PCDH15: variants seen among roughly 807,000 people sequenced by gnomAD.
The protein encoded by PCDH15 is protocadherin related 15, also known as protocadherin-15.
In PCDH15, 129 loss-of-function variants were observed where a neutral mutation model predicts 178.5. That is an observed-to-expected ratio of 0.72 (90% CI 0.63 to 0.84). PCDH15 has a LOEUF of 0.84. PCDH15 is among the 40% of genes least tolerant of loss of function. The pLI, the probability that PCDH15 is intolerant of heterozygous loss-of-function variation, is 0.00. For synonymous variants in PCDH15, 800 were observed against 732.0 expected, an observed-to-expected ratio of 1.09 and a Z score of -1.50; for missense variants, 2,230 against 2,099.9, an observed-to-expected ratio of 1.06 and a Z score of -1.21.
intron 1 of PCDH15, among the ~76,000 whole-genome samples, chr10:54,674,134 T>A (rs2094735300): frequency 6.6e-6 from 1 of 152,208 alleles, no homozygotes; most frequent in Non-Finnish European, 1.5e-5. Context: ...TACATATAAC[T>A]TTTTACTTTC....
At chr10:54,083,699 G>T (rs570800950) in intron 16 of PCDH15, among the ~76,000 whole-genome samples, 2 of 152,262 alleles carry the variant, frequency 1.3e-5, no homozygotes, top group Admixed American at 1.3e-4. Flanking sequence ...TTTAGAACTA[G>T]ACAGAGTTGG....
chr10:54,475,039 T>A (rs1447318742), intron 3 of PCDH15, among the ~76,000 whole-genome samples: 5 of 151,938 alleles, frequency 3.3e-5, no homozygotes, highest in Admixed American at 1.3e-4. Context: ...CTTATTCTCC[T>A]AAACTTTTTT....
At chr10:55,437,514 G>T (rs1839070308) in intron 2 of PCDH15, among the ~76,000 whole-genome samples, 1 of 152,088 alleles carries the variant, frequency 6.6e-6, no homozygotes, top group Admixed American at 6.6e-5. Context: ...TTCTGGTTTT[G>T]TAAAGAAGGC....
chr10:55,438,478 G>A (rs770879868), intron 2 of PCDH15, among the ~76,000 whole-genome samples: 1 of 152,028 alleles, frequency 6.6e-6, no homozygotes, highest in Non-Finnish European at 1.5e-5. Flanking sequence ...GAAGTATAAT[G>A]GCTAAAGTAA....
intron 1 of PCDH15, among the ~76,000 whole-genome samples, chr10:54,771,089 T>C (rs1591544124): frequency 1.3e-5 from 2 of 152,088 alleles, no homozygotes; most frequent in Non-Finnish European, 2.9e-5. Context: ...TACCACACTA[T>C]TGACACACTC....
intron 21 of PCDH15, among the ~76,000 whole-genome samples, chr10:53,977,259 T>C (rs974910863): frequency 3.3e-5 from 5 of 152,098 alleles, no homozygotes; most frequent in African/African-American, 7.2e-5. Flanking sequence ...TTGGGCCACA[T>C]TGGAAGAAGA....
At chr10:54,803,756 GTTTAC>G (rs538060132), upstream of PCDH15, among the ~76,000 whole-genome samples, 50 of 152,244 alleles carry the variant, frequency 3.3e-4, no homozygotes, top group East Asian at 1.7e-3. Context: ...ATTAGGTTTA[GTTTAC>G]TTTACGACGG....
chr10:54,166,238 G>A (rs556527421), intron 13 of PCDH15, among the ~76,000 whole-genome samples: 3 of 152,264 alleles, frequency 2.0e-5, no homozygotes, highest in Admixed American at 6.5e-5. Context: ...TCTCGTTAGT[G>A]CTCTTAGTCT....
intron 2 of PCDH15, among the ~76,000 whole-genome samples, chr10:55,614,939 T>G (rs186796173): frequency 3.6e-3 from 541 of 152,290 alleles, no homozygotes; most frequent in Non-Finnish European, 5.9e-3. Context: ...TGTTTATTTC[T>G]AAGAACATAA....
chr10:55,189,653 C>G (rs1324253977), intron 1 of PCDH15, among the ~76,000 whole-genome samples: 1 of 151,778 alleles, frequency 6.6e-6, no homozygotes, highest in Middle Eastern at 3.2e-3. Flanking sequence ...CTACAACTTA[C>G]TCCTATTAGC....
chr10:54,509,303 T>C (rs924903352), intron 3 of PCDH15, among the ~76,000 whole-genome samples: 28 of 152,082 alleles, frequency 1.8e-4, no homozygotes, highest in African/African-American at 6.8e-4. Context: ...CTCGTGGTAG[T>C]GAATAAGTCT....
chr10:55,100,548 A>C (rs967196523), intron 2 of PCDH15, among the ~76,000 whole-genome samples: 6 of 152,114 alleles, frequency 3.9e-5, no homozygotes, highest in African/African-American at 1.4e-4. Flanking sequence ...GCTGAGCTTC[A>C]GGCTGCTTCC....
intron 8 of PCDH15, among the ~76,000 whole-genome samples, chr10:54,291,262 C>T (rs905677604): frequency 1.3e-5 from 2 of 152,152 alleles, no homozygotes; most frequent in African/African-American, 2.4e-5. Flanking sequence ...TAAAGATGTT[C>T]TTTGAAACCA....
At chr10:54,377,511 A>G (rs1038694403) in intron 4 of PCDH15, among the ~76,000 whole-genome samples, 4 of 152,198 alleles carry the variant, frequency 2.6e-5, no homozygotes, top group African/African-American at 4.8e-5. Context: ...TTCATAAGTA[A>G]TAAAGCACAT....
At chr10:54,395,740 A>G (rs1293753875) in intron 3 of PCDH15, among the ~76,000 whole-genome samples, 3 of 152,124 alleles carry the variant, frequency 2.0e-5, no homozygotes, top group African/African-American at 4.8e-5. Context: ...TGTTTTTTCT[A>G]TCTTGTAATA....
At chr10:54,269,280 A>T (rs1352787160) in intron 8 of PCDH15, among the ~76,000 whole-genome samples, 3 of 151,992 alleles carry the variant, frequency 2.0e-5, no homozygotes, top group African/African-American at 7.2e-5. Flanking sequence ...TTTCTACTGA[A>T]TGAAAGCAAT....
chr10:54,779,486 A>ATGTGTATATATACACACATATATGTG (rs1163685725), intron 1 of PCDH15, among the ~76,000 whole-genome samples: 1 of 13,468 alleles, frequency 7.4e-5, no homozygotes, highest in African/African-American at 1.3e-4. Flanking sequence ...ACACATATAT[A>ATGTGTATATATACACACATATATGTG]TGTATATATA....
Position 54,257,130 on chromosome 10 carries a change from T to C in PCDH15, c.877-20199A>G, listed in dbSNP as rs2056964230. 1.3e-5 allele frequency among the ~76,000 whole-genome samples: 2 copies of C among 151,832 alleles called. 1 individual carries two copies. Among genetic ancestry groups the C allele is most frequent in the East Asian group, 3.9e-4 (2 of 5,170 alleles). On this transcript the variant is annotated intron_variant, in intron 8 of 37. Transcript: ENST00000644397. Reference sequence around the variant, plus strand: ...ATAGTGTGTATGTATCTATAACTGATGGACTGATTTTTTTAGGTAATGTTC... The same window carrying C: ...ATAGTGTGTATGTATCTATAACTGACGGACTGATTTTTTTAGGTAATGTTC...
chr10:54,321,484 C>G (rs1231475112), intron 7 of PCDH15, among the ~76,000 whole-genome samples: 1 of 151,504 alleles, frequency 6.6e-6, no homozygotes, highest in Non-Finnish European at 1.5e-5. Flanking sequence ...CATATATATG[C>G]ATATATACAC....
Sources: gnomAD v4.1 joint callset for allele counts (sites outside exome capture counted in the v4.1 genomes callset) on GRCh38, gnomAD v4.1.1 for gene constraint, MANE v1.5 for transcripts, NCBI Gene and HGNC (gene_info 2026-07-23, HGNC 2026-07-21) for gene names.